ZNF652: variants seen among roughly 807,000 people sequenced by gnomAD.
ZNF652 encodes zinc finger protein 652.
In ZNF652, 16 loss-of-function variants were observed where a neutral mutation model predicts 45.2. The observed-to-expected ratio is 0.35, with a 90% CI of 0.24 to 0.54. ZNF652 has a LOEUF of 0.54. Among genes scored for constraint, ZNF652 ranks in the 20% least tolerant of loss-of-function variants. ZNF652 has a pLI of 0.91. For synonymous variants in ZNF652, 250 were observed against 260.6 expected (o/e 0.96, Z 0.39); for missense variants, 614 against 765.6 (o/e 0.80, Z 2.34).
In ZNF652 at chr17:49,323,187, C is replaced by T. The variant is rs150753860; in HGVS notation, c.-258-5204G>A. On this transcript the variant is annotated intron_variant, in intron 1 of 5. Coordinates refer to ENST00000430262, the MANE Select transcript of ZNF652 (RefSeq NM_001145365.3). ...GAGTCAATCCTCTCAAACCCAGCCA[C>T]TGCTTTATCAACTAAGTTTATGGAA... Among the ~76,000 whole-genome samples the T allele has an allele frequency of 5.9e-5, 9 of 152,364 alleles. No individual in the cohort carries two copies. The East Asian group carries it at 1.5e-3, about 26-fold the overall frequency.
Position 49,295,973 on chromosome 17 carries a change from A to G in ZNF652, c.*2440T>C, listed in dbSNP as rs1198245236. 1 of 151,354 alleles carries G rather than the reference A, an allele frequency of 6.6e-6. No individual in the cohort carries two copies. Among genetic ancestry groups the G allele is most frequent in the Non-Finnish European group, 1.5e-5 (1 of 67,842 alleles). 9.4% of individuals were successfully genotyped at this position (151,354 alleles called of 1,614,324 possible). A position where few individuals can be genotyped will look rare whatever the true frequency, so the allele number is the denominator to read the frequency against. Reference sequence around the variant, plus strand: ...AAAAAAAAAAAAAAAAAACAGAACAAAATATAACCAATTAACTAAGCACAG... The same window carrying G: ...AAAAAAAAAAAAAAAAAACAGAACAGAATATAACCAATTAACTAAGCACAG... On this transcript the variant is annotated 3_prime_UTR_variant, in exon 6 of 6. Coordinates refer to ENST00000430262, the MANE Select transcript of ZNF652 (RefSeq NM_001145365.3).
intron 1 of ZNF652, among the ~76,000 whole-genome samples, chr17:49,320,089 T>C (rs1812614850): frequency 6.6e-6 from 1 of 152,136 alleles, no homozygotes; most frequent in Non-Finnish European, 1.5e-5. Context: ...TCTTTCTCTA[T>C]AGTTTTCTTA....
intron 1 of ZNF652, among the ~76,000 whole-genome samples, chr17:49,321,639 A>C (rs897286039): frequency 6.6e-6 from 1 of 152,088 alleles, no homozygotes; most frequent in South Asian, 2.1e-4. Flanking sequence ...GGCTTATCCA[A>C]GCTGCTACGA....
intron 1 of ZNF652, among the ~76,000 whole-genome samples, chr17:49,354,281 A>T (rs1440001303): frequency 6.6e-6 from 1 of 152,144 alleles, no homozygotes; most frequent in Non-Finnish European, 1.5e-5. Context: ...TCACAAAAAT[A>T]AAAATTATAA....
chr17:49,333,996 A>T (rs546725804), intron 1 of ZNF652, among the ~76,000 whole-genome samples: 1 of 152,156 alleles, frequency 6.6e-6, no homozygotes, highest in Non-Finnish European at 1.5e-5. Context: ...TAAACAGTTA[A>T]CATATGACTC....
rs766180208 is a variant in ZNF652 at position 49,311,986 on chromosome 17, T to A, written c.1105A>T (p.Ser369Cys). The change falls in exon 4 of 6, where the codon AGT becomes TGT. Residue 369 changes from serine to cysteine, a missense_variant. Ser to Cys is a moderately radical substitution (Grantham distance 112). Coordinates refer to ENST00000430262, the MANE Select transcript of ZNF652 (RefSeq NM_001145365.3). The stretch of plus-strand genomic sequence containing the variant: ...AAGGAGTGCACCTTGAGTGACATAC[T>A]GCGTTTGAATGATTTTCCACAGGTT... ...CETCGKSFKR[S>C]MSLKVHSLQH... The A allele has an allele frequency of 1.2e-6, 2 of 1,614,004 alleles. No homozygotes were observed. Among genetic ancestry groups the A allele is most frequent in the Non-Finnish European group, 1.7e-6 (2 of 1,179,898 alleles).
Position 49,336,572 on chromosome 17 carries a change from G to A in ZNF652, c.-258-18589C>T, listed in dbSNP as rs1037495963. The stretch of plus-strand genomic sequence containing the variant: ...TTGAACCTCTGACCTCAAGTGATCT[G>A]CCTGCCTCAGCCTCCCAAAGTGCTG... On this transcript the variant is annotated intron_variant, in intron 1 of 5. Transcript: ENST00000430262. 2.0e-5 allele frequency among the ~76,000 whole-genome samples: 3 copies of A among 151,370 alleles called. No homozygotes were observed. The South Asian group carries it at 6.2e-4, about 31-fold the overall frequency.
chr17:49,338,976 T>C (rs2070113553), intron 1 of ZNF652, among the ~76,000 whole-genome samples: 1 of 152,126 alleles, frequency 6.6e-6, no homozygotes, highest in African/African-American at 2.4e-5. Flanking sequence ...GAAGGTCCCC[T>C]TGTCCTTCCA....
chr17:49,337,176 T>A (rs1419147224), intron 1 of ZNF652, among the ~76,000 whole-genome samples: 3 of 151,100 alleles, frequency 2.0e-5, no homozygotes, highest in Admixed American at 2.0e-4. Context: ...TCTACAAAAA[T>A]TTTTTAAAAA....
intron 2 of ZNF652, among the ~76,000 whole-genome samples, chr17:49,314,710 G>A (rs914374154): frequency 6.6e-6 from 1 of 152,026 alleles, no homozygotes; most frequent in East Asian, 1.9e-4. Context: ...TAGACCCTTG[G>A]ATACTTAAGG....
rs2069423807 is a variant in ZNF652, at chr17:49,293,042, G to C, written c.*5371C>G. On this transcript the variant is annotated 3_prime_UTR_variant, in exon 6 of 6. Coordinates refer to ENST00000430262, the MANE Select transcript of ZNF652 (RefSeq NM_001145365.3). ...AGAGACTGAAGCTGCAGTGACATCA[G>C]AGGATTAGAGAGAGGTGCATACTCA... is the stretch of plus-strand genomic sequence containing the variant. Among the ~76,000 whole-genome samples the C allele has an allele frequency of 1.3e-5, 2 of 152,184 alleles. No individual in the cohort carries two copies. The highest frequency in any genetic ancestry group is 2.1e-4 in the South Asian group (1 of 4,826).
intron 5 of ZNF652, among the ~76,000 whole-genome samples, chr17:49,309,251 G>A (rs1366731737): frequency 6.6e-6 from 1 of 150,494 alleles, no homozygotes; most frequent in Non-Finnish European, 1.5e-5. Flanking sequence ...CAGCACTTTG[G>A]GAGGCTGAGG....
At chr17:49,356,792 G>C (rs896849602) in intron 1 of ZNF652, among the ~76,000 whole-genome samples, 2 of 152,170 alleles carry the variant, frequency 1.3e-5, no homozygotes, top group East Asian at 3.9e-4. Context: ...TTACTGATGT[G>C]TCTACCTTAT....
intron 1 of ZNF652, among the ~76,000 whole-genome samples, chr17:49,321,094 A>G (rs2069885519): frequency 6.6e-6 from 1 of 152,214 alleles, no homozygotes; most frequent in Admixed American, 6.5e-5. Context: ...TCTGGTCAGC[A>G]TATTATGAGA....
Position 49,317,463 on chromosome 17 carries a change from G to A in ZNF652, c.263C>T (p.Ser88Phe), listed in dbSNP as rs181916483. 18 of 1,614,046 alleles carry A rather than the reference G, an allele frequency of 1.1e-5. No individual in the cohort carries two copies. The South Asian group carries it at 2.0e-4, about 18-fold the overall frequency. Residue 88 changes from serine (S) to phenylalanine (F), a missense_variant, in exon 2 of 6, where the codon TCT (serine) becomes TTT (phenylalanine). This residue lies in a region of ZNF652 where 133 missense variants were observed against 132.2 expected (regional missense o/e 1.01). Transcript: ENST00000430262. ...QPYFRETRAV[S>F]DVHAVKEDRE... ...GTCTTCCTTAACAGCATGCACGTCA[G>A]ACACTGCTCTTGTCTCCCTGAAATA...
At chr17:49,344,337 C>G (rs1424267462) in intron 1 of ZNF652, among the ~76,000 whole-genome samples, 1 of 151,734 alleles carries the variant, frequency 6.6e-6, no homozygotes, top group Non-Finnish European at 1.5e-5. Flanking sequence ...TGCACTCTAG[C>G]CTGGGCAACA....
chr17:49,347,367 C>T (rs1178594265), intron 1 of ZNF652, among the ~76,000 whole-genome samples: 1 of 152,152 alleles, frequency 6.6e-6, no homozygotes, highest in Non-Finnish European at 1.5e-5. Flanking sequence ...GAGTTTCAGA[C>T]TAGCCTGGGA....
Position 49,296,124 on chromosome 17 carries a change from A to C in ZNF652, c.*2289T>G, listed in dbSNP as rs2069473886. The C allele has an allele frequency of 6.6e-6, 1 of 152,210 alleles. No homozygotes were observed. The highest frequency in any genetic ancestry group is 6.6e-5 in the Admixed American group (1 of 15,246). 9.4% of individuals were successfully genotyped at this position (152,210 alleles called of 1,614,324 possible). Reference sequence around the variant, plus strand: ...CCAAGGAGACTGTGGAGGGAGAGGGAGACAACCACTAAAGATATAACAGTC... The same window carrying C: ...CCAAGGAGACTGTGGAGGGAGAGGGCGACAACCACTAAAGATATAACAGTC... On this transcript the variant is annotated 3_prime_UTR_variant, in exon 6 of 6. Coordinates refer to ENST00000430262, the MANE Select transcript of ZNF652 (RefSeq NM_001145365.3).
chr17:49,350,947 G>A (rs1475735985), intron 1 of ZNF652, among the ~76,000 whole-genome samples: 1 of 142,128 alleles, frequency 7.0e-6, no homozygotes, highest in African/African-American at 2.6e-5. Context: ...TCCAGTCTGG[G>A]TGACAGAGCA....
Sources: allele counts gnomAD v4.1 joint callset (sites outside exome capture counted in the v4.1 genomes callset), GRCh38; gene constraint gnomAD v4.1.1; regional missense constraint gnomAD v4.1.1; transcripts MANE v1.5; gene names NCBI Gene and HGNC (gene_info 2026-07-23, HGNC 2026-07-21).